The following DLC1 variants were observed in gnomAD, a reference collection of about 807,000 sequenced individuals.
DLC1 encodes the protein DLC1 Rho GTPase activating protein.
A neutral mutation model predicts 140.3 loss-of-function variants in DLC1; 54 were observed. The ratio of observed to expected loss-of-function variants is 0.38; its 90% CI spans 0.31 to 0.48. The LOEUF (loss-of-function observed/expected upper bound fraction) is 0.48. DLC1 is among the 20% of genes least tolerant of loss of function. The probability of loss-of-function intolerance (pLI) is 0.96; values close to 1 mark genes in which losing one functional copy is unlikely to be tolerated. For synonymous variants in DLC1, 986 were observed against 728.1 expected (o/e 1.35, Z -5.70); for missense variants, 2,536 against 1,907.0 (o/e 1.33, Z -6.14).
chr8:13,142,926 G>A (rs1196114656), intron 5 of DLC1, among the ~76,000 whole-genome samples: 1 of 151,966 alleles, frequency 6.6e-6, no homozygotes, highest in Non-Finnish European at 1.5e-5. Flanking sequence ...GCACATTCCT[G>A]TAATCCCAGC....
chr8:13,566,846 A>T, intron 1 of DLC1: 1 of 1,102,234 alleles, frequency 9.1e-7, no homozygotes, highest in East Asian at 2.7e-5. Context: ...CGTTGCCAAG[A>T]CAGCTGGGAA....
intron 5 of DLC1, among the ~76,000 whole-genome samples, chr8:13,280,034 C>A (rs1260401380): frequency 6.6e-6 from 1 of 151,478 alleles, no homozygotes; most frequent in Admixed American, 6.6e-5. Context: ...AATCCCAGCA[C>A]TTTGGGAGGC....
At chr8:13,515,243 G>A (rs1030361041), upstream of DLC1, among the ~76,000 whole-genome samples, 2 of 152,138 alleles carry the variant, frequency 1.3e-5, no homozygotes, top group Non-Finnish European at 2.9e-5. Context: ...GATGAATTTA[G>A]CCTTAATACC....
At chr8:13,531,249 C>T (rs1803087786) in intron 1 of DLC1, among the ~76,000 whole-genome samples, 1 of 152,310 alleles carries the variant, frequency 6.6e-6, no homozygotes. Context: ...GCAGCCTGAA[C>T]AGGCTACTAC....
intron 5 of DLC1, among the ~76,000 whole-genome samples, chr8:13,148,377 A>T (rs1342561660): frequency 6.6e-6 from 1 of 152,184 alleles, no homozygotes; most frequent in African/African-American, 2.4e-5. Context: ...AAGTGAGAAC[A>T]TGCAGTATTT....
intron 5 of DLC1, among the ~76,000 whole-genome samples, chr8:13,173,723 T>C (rs759179702): frequency 1.6e-4 from 24 of 152,186 alleles, no homozygotes; most frequent in Non-Finnish European, 2.8e-4. Context: ...ATTTAGTTGC[T>C]TGAATTAGAA....
At chr8:13,361,400 G>T (rs1835218942) in intron 4 of DLC1, among the ~76,000 whole-genome samples, 1 of 151,742 alleles carries the variant, frequency 6.6e-6, no homozygotes, top group African/African-American at 2.4e-5. Flanking sequence ...GACTACAGGG[G>T]CATGCTAACA....
intron 4 of DLC1, among the ~76,000 whole-genome samples, chr8:13,347,515 A>G (rs1265603829): frequency 1.3e-5 from 2 of 152,204 alleles, no homozygotes; most frequent in Non-Finnish European, 2.9e-5. Flanking sequence ...TCTGCCACAT[A>G]CAGCCCATTC....
chr8:13,287,045 T>C (rs1831558078), intron 5 of DLC1, among the ~76,000 whole-genome samples: 1 of 152,172 alleles, frequency 6.6e-6, no homozygotes, highest in Non-Finnish European at 1.5e-5. Context: ...GATTCTTTTG[T>C]GTGTATATGT....
intron 4 of DLC1, among the ~76,000 whole-genome samples, chr8:13,326,453 T>C (rs894206902): frequency 2.6e-5 from 4 of 152,168 alleles, no homozygotes; most frequent in African/African-American, 9.7e-5. Context: ...GAAGAGGACA[T>C]ATAATTGTGC....
chr8:13,589,007 T>C (rs1563460695), intron 1 of DLC1, among the ~76,000 whole-genome samples: 1 of 152,124 alleles, frequency 6.6e-6, no homozygotes, highest in Admixed American at 6.6e-5. Context: ...TTCACAGTTC[T>C]GGACCATATC....
chr8:13,239,608 C>A (rs1218070796), intron 5 of DLC1, among the ~76,000 whole-genome samples: 2 of 152,002 alleles, frequency 1.3e-5, no homozygotes, highest in African/African-American at 4.8e-5. Flanking sequence ...TCTAAGCAAC[C>A]AACGAAAAAA....
chr8:13,090,507 C>T (rs916459797), intron 14 of DLC1, 37 bp from the exon 15 acceptor site: 2 of 1,606,226 alleles, frequency 1.2e-6, no homozygotes, highest in Non-Finnish European at 1.7e-6. Context: ...GAGGTGAGTC[C>T]ACCTGTACTC....
chr8:13,087,153 C>T (rs568547798), intron 16 of DLC1, among the ~76,000 whole-genome samples: 7 of 152,208 alleles, frequency 4.6e-5, no homozygotes, highest in Middle Eastern at 6.8e-3. Context: ...GTAATCCCGG[C>T]GCTTTGGGAG....
chr8:13,320,049 G>C (rs1653036), intron 4 of DLC1, among the ~76,000 whole-genome samples: 128,237 of 151,472 alleles, frequency 0.85, 54,851 homozygotes, highest in East Asian at 0.95. Flanking sequence ...CTGACCTCTT[G>C]ATCCGCCCGC....
intron 5 of DLC1, among the ~76,000 whole-genome samples, chr8:13,268,962 C>G (rs947136511): frequency 6.6e-6 from 1 of 150,946 alleles, no homozygotes; most frequent in African/African-American, 2.4e-5. Flanking sequence ...GCAAGCTCCG[C>G]CTCCCGGGTT....
chr8:13,305,197 A>T (rs757512655), intron 5 of DLC1, 72 bp downstream of exon 5: 25 of 1,572,122 alleles, frequency 1.6e-5, no homozygotes, highest in Non-Finnish European at 2.1e-5. Context: ...ATATTTAATA[A>T]AATGCCTATT....
chr8:13,385,993 G>A (rs1040348615), intron 4 of DLC1, among the ~76,000 whole-genome samples: 1 of 152,190 alleles, frequency 6.6e-6, no homozygotes, highest in African/African-American at 2.4e-5. Context: ...TCAGTGCTAT[G>A]AATTATACTC....
Position 13,401,581 on chromosome 8 carries a change from G to T in DLC1, c.1062C>A (p.Ser354=). The part of the protein sequence containing the change: ...REDRDRARLD[S]MVLLIMKLDQ... The stretch of plus-strand genomic sequence containing the variant: ...CCAGTTTCATAATCAGCAGCACCAT[G>T]GAGTCCAGCCGCGCCCTATCTCGAT... The change falls in exon 3 of 18, where the codon TCC becomes TCA. Residue 354 remains serine (S), a synonymous_variant. Transcript: ENST00000276297. 6.2e-7 allele frequency: 1 copy of T among 1,613,834 alleles called. No homozygotes were observed. Among genetic ancestry groups the T allele is most frequent in the Non-Finnish European group, 8.5e-7 (1 of 1,179,978 alleles).
Sources: allele counts gnomAD v4.1 joint callset (sites outside exome capture counted in the v4.1 genomes callset), GRCh38; gene constraint gnomAD v4.1.1; transcripts MANE v1.5; gene names NCBI Gene and HGNC (gene_info 2026-07-23, HGNC 2026-07-21).